DPH6: variants seen among roughly 807,000 people sequenced by gnomAD.
The protein encoded by DPH6 is diphthine--ammonia ligase.
Under a neutral mutation model 38.2 loss-of-function variants are expected in DPH6, and 33 were observed. The observed-to-expected ratio is 0.86, with a 90% CI of 0.65 to 1.15. The LOEUF is 1.15. Ranked by LOEUF, DPH6 falls within the 50% of genes most tolerant of loss-of-function variation. The probability of loss-of-function intolerance (pLI) is 0.00; values close to 1 mark genes in which losing one functional copy is unlikely to be tolerated. For synonymous variants in DPH6, 108 were observed against 103.0 expected, an observed-to-expected ratio of 1.05 and a Z score of -0.30; for missense variants, 325 against 320.0, an observed-to-expected ratio of 1.02 and a Z score of -0.12.
intron 3 of DPH6, among the ~76,000 whole-genome samples, chr15:35,243,718 C>T (rs1367264505): frequency 6.6e-6 from 1 of 151,786 alleles, no homozygotes; most frequent in South Asian, 2.1e-4. Context: ...CGGCCCCACC[C>T]TTATCTCCCT....
In DPH6 at chr15:35,279,068, A is replaced by AAATAT. The variant is rs1555390826; in HGVS notation, n.201-58487_201-58486insATATT. On this transcript the variant is annotated intron_variant and non_coding_transcript_variant, in intron 3 of 3. Transcript: ENST00000560386. ...TGTCTCAAAAAAAAAAAAAAAAAAA[A>AAATAT]ATATATATATATATATAATTTTGGA... 6.2e-3 allele frequency among the ~76,000 whole-genome samples: 634 copies of AAATAT among 102,836 alleles called. 19 individuals carry two copies. In the East Asian group the frequency reaches 0.065, roughly 11 times the overall value. 67.5% of individuals were successfully genotyped at this position (102,836 alleles called of 152,430 possible).
intron 4 of DPH6, among the ~76,000 whole-genome samples, chr15:35,451,898 T>G (rs923719087): frequency 5.9e-5 from 9 of 152,252 alleles, no homozygotes; most frequent in Non-Finnish European, 1.2e-4. Flanking sequence ...TGGTCCCAGC[T>G]ACTCGGGAGG....
chr15:35,147,127 T>A, the DPH6 span, among the ~76,000 whole-genome samples: 4 of 152,210 alleles, frequency 2.6e-5, no homozygotes, highest in South Asian at 8.3e-4. Flanking sequence ...ATCTAAATGC[T>A]TGATGTATAT....
chr15:35,249,581 TA>T (rs1468657665), intron 3 of DPH6, among the ~76,000 whole-genome samples: 1 of 152,172 alleles, frequency 6.6e-6, no homozygotes, highest in African/African-American at 2.4e-5. Context: ...CCACAGTCTT[TA>T]TATTGAGAGA....
the DPH6 span, among the ~76,000 whole-genome samples, chr15:35,174,010 C>G: frequency 1.3e-5 from 2 of 152,104 alleles, no homozygotes; most frequent in Non-Finnish European, 2.9e-5. Context: ...CATGAAAATC[C>G]TTGCCTCCAT....
chr15:35,261,806 C>A (rs2051748841), intron 3 of DPH6, among the ~76,000 whole-genome samples: 2 of 149,966 alleles, frequency 1.3e-5, no homozygotes, highest in African/African-American at 2.4e-5. Flanking sequence ...GCACTCCAGC[C>A]TGGGCAACAG....
At chr15:35,400,724 C>G (rs909591588) in intron 6 of DPH6, 2 of 721,964 alleles carry the variant, frequency 2.8e-6, no homozygotes, top group East Asian at 5.0e-5. Flanking sequence ...AGGGCCTGAA[C>G]AGCTGAGGAA....
At position 35,293,666 on chromosome 15, in the gene DPH6, C is replaced by T. The variant is rs560027769; in HGVS notation, n.201-73084G>A. Among the ~76,000 whole-genome samples, 203 of 152,290 alleles carry T rather than the reference C, an allele frequency of 1.3e-3. 1 individual carries two copies. The highest frequency in any genetic ancestry group is 4.7e-3 in the African/African-American group (197 of 41,558). ...TGCTCAGGGGTGTCCTATTCTGCTA[C>T]TGAATGATGATCTAGCAAGGGGGAA... On this transcript the variant is annotated intron_variant and non_coding_transcript_variant, in intron 3 of 3. Transcript: ENST00000560386.
intron 3 of DPH6, among the ~76,000 whole-genome samples, chr15:35,311,130 T>C (rs982174273): frequency 6.6e-6 from 1 of 150,982 alleles, no homozygotes; most frequent in African/African-American, 2.4e-5. Flanking sequence ...TAAAAGAGAT[T>C]GGAGAATTAT....
chr15:35,532,039 T>C (rs1228474045), intron 3 of DPH6, among the ~76,000 whole-genome samples: 1 of 152,014 alleles, frequency 6.6e-6, no homozygotes, highest in Non-Finnish European at 1.5e-5. Context: ...CAAAAGAATA[T>C]GAGGTGAGAA....
At chr15:35,230,211 G>C (rs1194950403) in intron 3 of DPH6, among the ~76,000 whole-genome samples, 1 of 152,178 alleles carries the variant, frequency 6.6e-6, no homozygotes, top group Non-Finnish European at 1.5e-5. Context: ...CTATACTGCA[G>C]CTGAGCTGGC....
intron 3 of DPH6, among the ~76,000 whole-genome samples, chr15:35,488,903 G>C (rs1194028621): frequency 6.6e-6 from 1 of 152,128 alleles, no homozygotes; most frequent in East Asian, 1.9e-4. Context: ...AATACTGCAA[G>C]TTTGTGCACA....
chr15:35,274,256 G>A (rs1405950089), intron 3 of DPH6, among the ~76,000 whole-genome samples: 1 of 152,120 alleles, frequency 6.6e-6, no homozygotes, highest in Non-Finnish European at 1.5e-5. Context: ...ATTAACTCAA[G>A]ATGGATTAAA....
chr15:35,208,343 T>C, the DPH6 span, among the ~76,000 whole-genome samples: 6 of 152,148 alleles, frequency 3.9e-5, no homozygotes, highest in African/African-American at 7.2e-5. Flanking sequence ...AAGAATTCCA[T>C]AGACCCCAGG....
chr15:35,194,009 A>G, the DPH6 span, among the ~76,000 whole-genome samples: 1 of 152,204 alleles, frequency 6.6e-6, no homozygotes, highest in Non-Finnish European at 1.5e-5. Flanking sequence ...AATCTAAATT[A>G]TAATTGACTT....
chr15:35,247,307 A>T (rs2051643735), intron 3 of DPH6, among the ~76,000 whole-genome samples: 2 of 152,244 alleles, frequency 1.3e-5, no homozygotes, highest in Admixed American at 1.3e-4. Flanking sequence ...ACAGCACATG[A>T]CATAATCCAG....
chr15:35,228,102 T>C (rs1229582670), intron 3 of DPH6, among the ~76,000 whole-genome samples: 1 of 152,190 alleles, frequency 6.6e-6, no homozygotes, highest in African/African-American at 2.4e-5. Context: ...TCTGCAGTCA[T>C]TCAATGAAAT....
rs2054835464 is a variant in DPH6 at position 35,515,645 on chromosome 15, C to T, written c.312+22629G>A. 2.1e-5 allele frequency among the ~76,000 whole-genome samples: 3 copies of T among 144,050 alleles called. No homozygotes were observed. The South Asian group carries it at 6.6e-4, about 31-fold the overall frequency. The allele number at this position is 144,050 out of a possible 152,430, so 94.5% of individuals were successfully genotyped here. On this transcript the variant is annotated intron_variant, in intron 3 of 8. Transcript: ENST00000256538. ...CTGAGGCGGGAGAATGGCGTGAACCCAGAAGGCAGAGCTTGCAGTGAGCCA... is the reference window on the plus strand; with the variant it reads ...CTGAGGCGGGAGAATGGCGTGAACCTAGAAGGCAGAGCTTGCAGTGAGCCA...
chr15:35,314,239 A>C, intron 3 of DPH6, among the ~76,000 whole-genome samples: 1 of 152,180 alleles, frequency 6.6e-6, no homozygotes. Context: ...TGCAAAAGTA[A>C]TTGTGGTTTT....
Sources: allele counts gnomAD v4.1 joint callset (sites outside exome capture counted in the v4.1 genomes callset), GRCh38; gene constraint gnomAD v4.1.1; transcripts MANE v1.5; gene names NCBI Gene and HGNC (gene_info 2026-07-23, HGNC 2026-07-21).